Variants in NELFE observed in about 807,000 individuals in gnomAD.
NELFE encodes negative elongation factor E.
In NELFE, 26 loss-of-function variants were observed where a neutral mutation model predicts 55.5. The observed-to-expected ratio is 0.47, with a 90% CI of 0.34 to 0.65. The LOEUF is 0.65. Ranked by LOEUF, NELFE falls within the 30% of genes least tolerant of loss-of-function variation. The pLI is 0.01. For synonymous variants in NELFE, 162 were observed against 178.0 expected (o/e 0.91, Z 0.72); for missense variants, 403 against 506.9 (o/e 0.80, Z 1.97).
In NELFE at chr6:31,954,755, G is replaced by T; in HGVS notation, c.542C>A (p.Ser181Tyr). Residue 181 changes from serine to tyrosine, a missense_variant, in exon 7 of 11, where the codon TCC becomes TAC. Transcript: ENST00000375429. This position sits in a 1 kb window ranked among gnomAD's most constrained non-coding sequence, Gnocchi z 5.5. ...GTCCCGGCTGCGGCTTCGGGGAGGG[G>T]AGGCTGAGGAGTGGGCACCACTGCG... Reference protein sequence around the residue: ...EERSGAHSSASPPRSRSRDRS... With the variant: ...EERSGAHSSAYPPRSRSRDRS... The T allele has an allele frequency of 6.2e-7, 1 of 1,613,318 alleles. No homozygotes were observed. Among genetic ancestry groups the T allele is most frequent in the Non-Finnish European group, 8.5e-7 (1 of 1,180,004 alleles).
chr6:31,955,392 G>T, intron 4 of NELFE, 99 bp from the exon 5 acceptor site: 2 of 747,316 alleles, frequency 2.7e-6, no homozygotes, highest in East Asian at 2.7e-5. Context: ...GGTTTCCTCT[G>T]ATCTTTTCTT....
In NELFE at chr6:31,954,062, G is replaced by T. The variant is rs1347453767; in HGVS notation, c.942+18C>A. The T allele has an allele frequency of 6.2e-7, 1 of 1,612,566 alleles. No individual in the cohort carries two copies. Among genetic ancestry groups the T allele is most frequent in the Non-Finnish European group, 8.5e-7 (1 of 1,179,278 alleles). Reference sequence around the variant, plus strand: ...AACAGCAGAAGCGATGGGAAGAACAGATTTGGGAAGTTCCAACCTCAGCAA... The same window carrying T: ...AACAGCAGAAGCGATGGGAAGAACATATTTGGGAAGTTCCAACCTCAGCAA... On this transcript the variant is annotated intron_variant, in intron 9 of 10. Transcript: ENST00000375429. This position sits in a 1 kb window ranked among gnomAD's most constrained non-coding sequence, Gnocchi z 5.5.
Position 31,952,100 on chromosome 6 carries a change from C to G in NELFE, c.*201G>C, listed in dbSNP as rs1398493715. On this transcript the variant is annotated 3_prime_UTR_variant, in exon 11 of 11. Coordinates refer to ENST00000375429, the MANE Select transcript of NELFE (RefSeq NM_002904.6). ...TGCGACAACACCTGTGTTCCAGATC[C>G]TTTTGGGGCAAGGGAGTGGGGAACA... 6.3e-7 allele frequency: 1 copy of G among 1,597,356 alleles called. No individual in the cohort carries two copies.
chr6:31,954,503 C>A lies in NELFE; in HGVS notation c.742+52G>T. 1.9e-6 allele frequency: 3 copies of A among 1,581,238 alleles called. No homozygotes were observed. The highest frequency in any genetic ancestry group is 2.6e-6 in the Non-Finnish European group (3 of 1,160,868). On this transcript the variant is annotated intron_variant, in intron 7 of 10. Transcript: ENST00000375429. This position sits in a 1 kb window ranked among gnomAD's most constrained non-coding sequence, Gnocchi z 5.5. ...CCATGCCACATTTCACTTAGTAGGA[C>A]CCACATAAACCTCAGTTAAGGTCAC...
At position 31,954,271 on chromosome 6, in the gene NELFE, C is replaced by A. The variant is rs765973419; in HGVS notation, c.887+27G>T. ...ACACCCCAGGATTCTCCCAGGACTT[C>A]TCATCATGCCCTGTTGTCATCCTTA... On this transcript the variant is annotated intron_variant, in intron 8 of 10. Transcript: ENST00000375429. The surrounding 1 kb of genome is among the most constrained non-coding windows in gnomAD (Gnocchi z 5.5). The A allele has an allele frequency of 6.2e-7, 1 of 1,608,808 alleles. No homozygotes were observed. Among genetic ancestry groups the A allele is most frequent in the South Asian group, 1.1e-5 (1 of 90,698 alleles).
At chr6:31,957,077 C>T (rs1256695872) in intron 2 of NELFE, 67 bp from the exon 3 acceptor site, 51 of 1,392,466 alleles carry the variant, frequency 3.7e-5, no homozygotes, top group Non-Finnish European at 4.9e-5. Context: ...TCTCCTAAGG[C>T]CCCTGGGCAC....
chr6:31,954,252 C>T lies in NELFE; in HGVS notation c.887+46G>A. The stretch of plus-strand genomic sequence containing the variant: ...GCTTCTTCCCTCAGGTCTCACACCC[C>T]AGGATTCTCCCAGGACTTCTCATCA... On this transcript the variant is annotated intron_variant, in intron 8 of 10. Coordinates refer to ENST00000375429, the MANE Select transcript of NELFE (RefSeq NM_002904.6). The surrounding 1 kb of genome is among the most constrained non-coding windows in gnomAD (Gnocchi z 5.5). 1 of 1,610,260 alleles carries T rather than the reference C, an allele frequency of 6.2e-7. No individual in the cohort carries two copies. The highest frequency in any genetic ancestry group is 8.5e-7 in the Non-Finnish European group (1 of 1,177,702).
chr6:31,957,142 C>T, intron 2 of NELFE, 132 bp from the exon 3 acceptor site: 1 of 784,534 alleles, frequency 1.3e-6, no homozygotes, highest in Middle Eastern at 2.8e-4. Context: ...CTGATGTGCT[C>T]TGCCTCTTGC....
Position 31,952,279 on chromosome 6 carries a change from A to T in NELFE, c.*22T>A. ...AGACCAGCATTGGGGCATATGAGGC[A>T]CAAGGAATCCAGCTCTGTTCCCTAG... On this transcript the variant is annotated 3_prime_UTR_variant, in exon 11 of 11. Transcript: ENST00000375429. The T allele has an allele frequency of 6.3e-7, 1 of 1,592,942 alleles. No individual in the cohort carries two copies. The highest frequency in any genetic ancestry group is 8.6e-7 in the Non-Finnish European group (1 of 1,161,996).
rs555434140 is a variant in NELFE at position 31,954,578 on chromosome 6, C to T, written c.719G>A (p.Arg240Gln). ...ACTGCGGAAAGGACCCTCTCGGTCT[C>T]GGTCTCGATCCCGCTCCCGATCCCT... is the stretch of plus-strand genomic sequence containing the variant. ...RDRDRERDRDRDREGPFRRSD... is the reference protein window; with the variant it reads ...RDRDRERDRDQDREGPFRRSD... Residue 240 changes from arginine to glutamine, a missense_variant, in exon 7 of 11, where the codon CGA (arginine) becomes CAA (glutamine). Physicochemically the swap from Arg to Gln is conservative, Grantham distance 43. This residue lies in a region of NELFE where 229 missense variants were observed against 228.3 expected (regional missense o/e 1.00). Coordinates refer to ENST00000375429, the MANE Select transcript of NELFE (RefSeq NM_002904.6). The surrounding 1 kb of genome is among the most constrained non-coding windows in gnomAD (Gnocchi z 5.5). The T allele has an allele frequency of 2.8e-5, 45 of 1,608,198 alleles. No homozygotes were observed. The highest frequency in any genetic ancestry group is 1.7e-4 in the Middle Eastern group (1 of 6,054).
rs1771934307 is a variant in NELFE at position 31,954,341 on chromosome 6, G to T, written c.844C>A (p.Pro282Thr). 6.2e-7 allele frequency: 1 copy of T among 1,613,498 alleles called. No homozygotes were observed. Among genetic ancestry groups the T allele is most frequent in the South Asian group, 1.1e-5 (1 of 91,034 alleles). The part of the protein sequence containing the change: ...TPTLLRGAFS[P>T]FGNIIDLSMD... ...GAGAGGTCAATGATGTTTCCAAAAG[G>T]AGAGAAGGCCCCACGGAGAAGGGTG... Residue 282 changes from proline to threonine, a missense_variant, in exon 8 of 11, where the codon CCT becomes ACT. Around this residue, in one of 3 missense-constraint regions of NELFE, gnomAD observed 229 missense variants for 228.3 expected, o/e 1.00. Coordinates refer to ENST00000375429, the MANE Select transcript of NELFE (RefSeq NM_002904.6). The surrounding 1 kb of genome is among the most constrained non-coding windows in gnomAD (Gnocchi z 5.5).
At chr6:31,958,351 T>C (rs1421231911) in intron 2 of NELFE, 21 bp downstream of exon 2, 26 of 1,609,068 alleles carry the variant, frequency 1.6e-5, no homozygotes, top group Non-Finnish European at 2.2e-5. Flanking sequence ...GGTTAGGCCA[T>C]GTCCACACAC....
At position 31,952,386 on chromosome 6, in the gene NELFE, C is replaced by A. The variant is rs199837122; in HGVS notation, c.1058G>T (p.Ser353Ile). 2 of 1,613,482 alleles carry A rather than the reference C, an allele frequency of 1.2e-6. No homozygotes were observed. Among genetic ancestry groups the A allele is most frequent in the East Asian group, 4.5e-5 (2 of 44,874 alleles). The change falls in exon 11 of 11, where the codon AGC (serine) becomes ATC (isoleucine). Residue 353 changes from serine (S) to isoleucine (I), a missense_variant. Ser to Ile is a moderately radical substitution (Grantham distance 142, BLOSUM62 -2). Around this residue, in one of 3 missense-constraint regions of NELFE, gnomAD observed 77 missense variants for 123.3 expected, o/e 0.62. Transcript: ENST00000375429. ...SVWGSLAVQN[S>I]PKGCHRDKRT... The stretch of plus-strand genomic sequence containing the variant: ...CTTGTCCCGGTGGCAACCCTTAGGG[C>A]TGTTCTGGACAGCTAGGGAGGGAGG...
intron 2 of NELFE, 50 bp from the exon 3 acceptor site, chr6:31,957,060 C>T (rs753190477): frequency 1.7e-5 from 26 of 1,531,316 alleles, no homozygotes; most frequent in African/African-American, 5.4e-5. Context: ...AGCCCCTAGC[C>T]GGTTCCTCTC....
At chr6:31,958,706 T>C (rs1176350806) in intron 1 of NELFE, 186 bp downstream of exon 1, 1 of 702,930 alleles carries the variant, frequency 1.4e-6, no homozygotes, top group Admixed American at 2.0e-5. Flanking sequence ...GGGACAAATA[T>C]CCACTCCGTC....
At chr6:31,956,211 G>A (rs1425116921) in intron 4 of NELFE, among the ~76,000 whole-genome samples, 1 of 152,114 alleles carries the variant, frequency 6.6e-6, no homozygotes, top group African/African-American at 2.4e-5. Flanking sequence ...TTACAGGTGT[G>A]AGCCACCGCG....
Position 31,954,232 on chromosome 6 carries a change from T to C in NELFE, c.887+66A>G, listed in dbSNP as rs1296467813. On this transcript the variant is annotated intron_variant, in intron 8 of 10. Transcript: ENST00000375429. The surrounding 1 kb of genome is among the most constrained non-coding windows in gnomAD (Gnocchi z 5.5). Reference sequence around the variant, plus strand: ...AGGCGGCTGCAGGGAGGGCAGCTTCTTCCCTCAGGTCTCACACCCCAGGAT... The same window carrying C: ...AGGCGGCTGCAGGGAGGGCAGCTTCCTCCCTCAGGTCTCACACCCCAGGAT... 3 of 1,610,374 alleles carry C rather than the reference T, an allele frequency of 1.9e-6. No homozygotes were observed. The highest frequency in any genetic ancestry group is 2.5e-6 in the Non-Finnish European group (3 of 1,177,366).
chr6:31,958,509 C>A, intron 1 of NELFE, 55 bp from the exon 2 acceptor site: 1 of 1,458,140 alleles, frequency 6.9e-7, no homozygotes. Flanking sequence ...ACCCGGGGTT[C>A]ACACGCCGTC....
In NELFE at chr6:31,956,742, G is replaced by C. The variant is rs755689393; in HGVS notation, c.242C>G (p.Thr81Ser). The C allele has an allele frequency of 6.2e-7, 1 of 1,612,796 alleles. No individual in the cohort carries two copies. Among genetic ancestry groups the C allele is most frequent in the Non-Finnish European group, 8.5e-7 (1 of 1,179,860 alleles). ...SGAISAIKAETKNSGFKRSRT... is the reference protein window; with the variant it reads ...SGAISAIKAESKNSGFKRSRT... ...AGAACGCTTGAAGCCTGAGTTCTTG[G>C]TCTCAGCCTTGATGGCACTGATGGC... Residue 81 changes from threonine (T) to serine (S), a missense_variant, in exon 4 of 11, where the codon ACC (threonine) becomes AGC (serine). Around this residue, in one of 3 missense-constraint regions of NELFE, gnomAD observed 97 missense variants for 155.3 expected, o/e 0.62. Coordinates refer to ENST00000375429, the MANE Select transcript of NELFE (RefSeq NM_002904.6).
Sources: gnomAD v4.1 joint callset for allele counts (sites outside exome capture counted in the v4.1 genomes callset) on GRCh38, gnomAD v4.1.1 for gene constraint, gnomAD v4.1.1 regional missense constraint, Gnocchi (gnomAD v3.1) non-coding constraint, MANE v1.5 for transcripts, NCBI Gene and HGNC (gene_info 2026-07-23, HGNC 2026-07-21) for gene names.